Variants in XCR1 observed in about 807,000 individuals in gnomAD.
The protein encoded by XCR1 is X-C motif chemokine receptor 1.
For synonymous variants in XCR1, 187 were observed against 188.5 expected (o/e 0.99, Z 0.06); for missense variants, 356 against 424.2 (o/e 0.84, Z 1.41).
chr3:46,048,623 C>T (rs573391347), intron 5 of XCR1, among the ~76,000 whole-genome samples: 55 of 152,270 alleles, frequency 3.6e-4, no homozygotes, highest in African/African-American at 1.3e-3. Context: ...TTGTCCATCT[C>T]CTGTGAAAAC....
At chr3:46,052,083 C>A (rs1215011747) in intron 5 of XCR1, among the ~76,000 whole-genome samples, 1 of 152,128 alleles carries the variant, frequency 6.6e-6, no homozygotes, top group Non-Finnish European at 1.5e-5. Context: ...GAGTCAACAA[C>A]TCCTGGGACT....
chr3:46,057,273 T>A (rs1697869920), intron 4 of XCR1, among the ~76,000 whole-genome samples: 1 of 152,210 alleles, frequency 6.6e-6, no homozygotes, highest in African/African-American at 2.4e-5. Context: ...TGATTCCATT[T>A]ATGTAAAGTT....
intron 2 of XCR1, among the ~76,000 whole-genome samples, chr3:46,075,394 A>G (rs1378642501): frequency 6.6e-6 from 1 of 151,948 alleles, no homozygotes; most frequent in Non-Finnish European, 1.5e-5. Context: ...AATTAACTCA[A>G]ATTGGATCAT....
At chr3:46,083,116 C>T (rs73830731) in intron 1 of XCR1, among the ~76,000 whole-genome samples, 2,211 of 152,302 alleles carry the variant, frequency 0.015, 50 homozygotes, top group African/African-American at 0.049. Flanking sequence ...ATCACTGCTG[C>T]GTTACTCACT....
Position 46,020,489 on chromosome 3 carries a change from G to C in XCR1, c.*457C>G, listed in dbSNP as rs1708118627. 6.3e-6 allele frequency: 1 copy of C among 159,804 alleles called. No individual in the cohort carries two copies. The highest frequency in any genetic ancestry group is 1.8e-4 in the South Asian group (1 of 5,488). 9.9% of individuals were successfully genotyped at this position (159,804 alleles called of 1,614,324 possible). On this transcript the variant is annotated 3_prime_UTR_variant, in exon 2 of 2. Transcript: ENST00000309285. ...CAGTACCTGAGGAATACGGAGCCAG[G>C]CGCCTCCAAAGTGAATAAACCAGTA...
At chr3:46,028,373 GT>G (rs1410135185), upstream of XCR1, among the ~76,000 whole-genome samples, 2 of 151,752 alleles carry the variant, frequency 1.3e-5, no homozygotes, top group African/African-American at 4.8e-5. Context: ...GGTCATTTGT[GT>G]ATCTCTTTGT....
intron 3 of XCR1, among the ~76,000 whole-genome samples, chr3:46,072,690 G>A (rs926601774): frequency 6.6e-6 from 1 of 152,120 alleles, no homozygotes; most frequent in Non-Finnish European, 1.5e-5. Context: ...TGACCATACT[G>A]CCCACAGAAA....
chr3:46,067,126 A>C (rs1391454398), intron 3 of XCR1, among the ~76,000 whole-genome samples: 2 of 152,206 alleles, frequency 1.3e-5, no homozygotes, highest in Admixed American at 6.5e-5. Context: ...GGGGTTCAAA[A>C]AGGAATACCT....
rs1202238071 is a variant in XCR1, at chr3:46,057,684, GC to G, written c.-182-3615del. Among the ~76,000 whole-genome samples the G allele has an allele frequency of 2.0e-5, 3 of 152,198 alleles. No individual in the cohort carries two copies. In the East Asian group the frequency reaches 5.8e-4, roughly 29 times the overall value. On this transcript the variant is annotated intron_variant, in intron 4 of 5. Coordinates refer to the XCR1 transcript ENST00000683768. The stretch of plus-strand genomic sequence containing the variant: ...GCCCGATTCCTCCTAGAGTTGAAAG[GC>G]GTGAATGCAGAACTGGTTTCCCTGA...
chr3:46,084,570 A>G (rs543802398), intron 1 of XCR1, among the ~76,000 whole-genome samples: 1 of 152,362 alleles, frequency 6.6e-6, no homozygotes, highest in Admixed American at 6.5e-5. Context: ...TGTAATTTCT[A>G]TAAACCAATG....
At chr3:46,022,202 G>A (rs981629803) in intron 1 of XCR1, 12 of 394,510 alleles carry the variant, frequency 3.0e-5, no homozygotes, top group Non-Finnish European at 4.5e-5. Context: ...TCAGGAAACC[G>A]GGGGGTGGGG....
intron 5 of XCR1, among the ~76,000 whole-genome samples, chr3:46,040,305 G>C (rs1185605169): frequency 6.6e-6 from 1 of 152,082 alleles, no homozygotes; most frequent in Admixed American, 6.5e-5. Flanking sequence ...GTTATATTAA[G>C]TGTTGTAAGC....
intron 4 of XCR1, among the ~76,000 whole-genome samples, chr3:46,066,220 C>T (rs937753447): frequency 6.7e-6 from 1 of 150,116 alleles, no homozygotes; most frequent in Non-Finnish European, 1.5e-5. Context: ...CTCCCTCCCT[C>T]GCTCTCTCTC....
At chr3:46,022,969 A>C (rs1708187775) in intron 1 of XCR1, among the ~76,000 whole-genome samples, 1 of 152,248 alleles carries the variant, frequency 6.6e-6, no homozygotes, top group African/African-American at 2.4e-5. Context: ...CTATATTCAT[A>C]ATGAATGGAG....
In XCR1 at chr3:46,021,069, C is replaced by T. The variant is rs758588743; in HGVS notation, c.879G>A (p.Lys293=). 6.2e-7 allele frequency: 1 copy of T among 1,614,236 alleles called. No homozygotes were observed. The highest frequency in any genetic ancestry group is 8.5e-7 in the Non-Finnish European group (1 of 1,180,040). ...NPVLYVFVGV[K]FRTHLKHVLR... ...GAACATGTTTCAGGTGTGTGCGGAA[C>T]TTGACCCCCACGAAGACATAGAGCA... is the stretch of plus-strand genomic sequence containing the variant. The change falls in exon 2 of 2, where the codon AAG becomes AAA. Residue 293 remains lysine, a synonymous_variant. Transcript: ENST00000309285. This position sits in a 1 kb window ranked among gnomAD's most constrained non-coding sequence, Gnocchi z 4.7.
chr3:46,077,602 A>G (rs1393471806), intron 1 of XCR1, among the ~76,000 whole-genome samples: 2 of 152,120 alleles, frequency 1.3e-5, no homozygotes, highest in African/African-American at 4.8e-5. Context: ...GGTCTGTGGA[A>G]AAATTGTCTT....
chr3:46,053,645 C>T (rs1163675638), intron 5 of XCR1, among the ~76,000 whole-genome samples: 1 of 152,106 alleles, frequency 6.6e-6, no homozygotes, highest in East Asian at 1.9e-4. Context: ...TTTTGATGAA[C>T]CTGTTTTAAT....
intron 1 of XCR1, among the ~76,000 whole-genome samples, chr3:46,025,620 T>A (rs1708272455): frequency 6.6e-6 from 1 of 152,166 alleles, no homozygotes; most frequent in Non-Finnish European, 1.5e-5. Context: ...AAAACTGACA[T>A]GGGATGATAT....
In XCR1 at chr3:46,018,783, C is replaced by T. The variant is rs553379503; in HGVS notation, c.*2163G>A. The stretch of plus-strand genomic sequence containing the variant: ...CCTTACAAGCTCTCTCTAGGTTGGC[C>T]AGAGGGCTACATTGGTATCTACTTT... On this transcript the variant is annotated 3_prime_UTR_variant, in exon 2 of 2. Coordinates refer to ENST00000309285, the MANE Select transcript of XCR1 (RefSeq NM_001024644.2). 6.6e-6 allele frequency: 1 copy of T among 152,324 alleles called. No homozygotes were observed. Among genetic ancestry groups the T allele is most frequent in the African/African-American group, 2.4e-5 (1 of 41,564 alleles). 9.4% of individuals were successfully genotyped at this position (152,324 alleles called of 1,614,324 possible).
Sources: gnomAD v4.1 joint callset for allele counts (sites outside exome capture counted in the v4.1 genomes callset) on GRCh38, gnomAD v4.1.1 for gene constraint, Gnocchi (gnomAD v3.1) non-coding constraint, MANE v1.5 for transcripts, NCBI Gene and HGNC (gene_info 2026-07-23, HGNC 2026-07-21) for gene names.